Variants in ERCC1 observed in about 807,000 individuals in gnomAD.
ERCC1 encodes ERCC excision repair 1, endonuclease non-catalytic subunit, also known as DNA excision repair protein ERCC-1.
Under a neutral mutation model 37.6 loss-of-function variants are expected in ERCC1, and 36 were observed. The ratio of observed to expected loss-of-function variants is 0.96; its 90% CI spans 0.73 to 1.26. ERCC1 has a LOEUF of 1.26. Among genes scored for constraint, ERCC1 ranks in the 50% most tolerant of loss-of-function variants. The pLI is 0.00. For missense variants in ERCC1, 349 were observed against 376.5 expected (o/e 0.93, Z 0.60); for synonymous variants, 156 against 162.1 (o/e 0.96, Z 0.28).
chr19:45,415,018 T>A, intron 6 of ERCC1, 58 bp from the exon 7 acceptor site: 1 of 1,324,804 alleles, frequency 7.5e-7, no homozygotes, highest in Non-Finnish European at 1.1e-6. Flanking sequence ...TAGATTTGCT[T>A]CATTATGGTC....
intron 1 of ERCC1, among the ~76,000 whole-genome samples, chr19:45,448,260 G>T (rs1967008873): frequency 6.6e-6 from 1 of 152,138 alleles, no homozygotes; most frequent in African/African-American, 2.4e-5. Context: ...TGGGACCCCT[G>T]CCTGCTTGTA....
intron 1 of ERCC1, among the ~76,000 whole-genome samples, chr19:45,429,803 G>A (rs144360569): frequency 1.8e-3 from 266 of 151,652 alleles, no homozygotes; most frequent in African/African-American, 6.3e-3. Context: ...ATTATTATTT[G>A]AGACAGAGTC....
In ERCC1 at chr19:45,420,497, C is replaced by G; in HGVS notation, c.322-70G>C. 1 of 955,930 alleles carries G rather than the reference C, an allele frequency of 1.0e-6. No homozygotes were observed. The highest frequency in any genetic ancestry group is 1.9e-5 in the Admixed American group (1 of 53,022). The allele number at this position is 955,930 out of a possible 1,614,324, so 59.2% of individuals were successfully genotyped here. A position where few individuals can be genotyped will look rare whatever the true frequency, so the allele number is the denominator to read the frequency against. On this transcript the variant is annotated intron_variant, in intron 3 of 9. Coordinates refer to ENST00000300853, the MANE Select transcript of ERCC1 (RefSeq NM_001983.4). The surrounding 1 kb of genome is among the most constrained non-coding windows in gnomAD (Gnocchi z 4.8). The stretch of plus-strand genomic sequence containing the variant: ...TGATAACCACAGGGCCCTCCTCCAC[C>G]TCTTCTTGCACCTCCTCCCTCCTCC...
Position 45,423,860 on chromosome 19 carries a change from G to A in ERCC1, c.-87C>T, listed in dbSNP as rs927933816. 12 of 1,118,654 alleles carry A rather than the reference G, an allele frequency of 1.1e-5. No homozygotes were observed. In the Admixed American group the frequency reaches 1.3e-4, roughly 13 times the overall value. 69.3% of individuals were successfully genotyped at this position (1,118,654 alleles called of 1,614,324 possible). ...GAGCCTCAAGGGAAAGACTGCAGAGGGATCGAGGCGGCCCACTGCCAGCAC... is the reference window on the plus strand; with the variant it reads ...GAGCCTCAAGGGAAAGACTGCAGAGAGATCGAGGCGGCCCACTGCCAGCAC... On this transcript the variant is annotated 5_prime_UTR_variant, in exon 1 of 10. Coordinates refer to ENST00000300853, the MANE Select transcript of ERCC1 (RefSeq NM_001983.4).
At position 45,419,085 on chromosome 19, in the gene ERCC1, A is replaced by G. The variant is rs2123500500; in HGVS notation, c.525+13T>C. The G allele has an allele frequency of 6.5e-7, 1 of 1,544,676 alleles. No homozygotes were observed. The highest frequency in any genetic ancestry group is 8.8e-7 in the Non-Finnish European group (1 of 1,137,788). On this transcript the variant is annotated intron_variant, in intron 5 of 9. Coordinates refer to ENST00000300853, the MANE Select transcript of ERCC1 (RefSeq NM_001983.4). Reference sequence around the variant, plus strand: ...AGCCCGGTGAGGCTGGCTAGGGAGCAGCCCCTGCTTACCACATCCACCTGG... The same window carrying G: ...AGCCCGGTGAGGCTGGCTAGGGAGCGGCCCCTGCTTACCACATCCACCTGG...
chr19:45,416,705 G>A, intron 6 of ERCC1, 116 bp downstream of exon 6: 1 of 765,160 alleles, frequency 1.3e-6, no homozygotes, highest in Non-Finnish European at 2.3e-6. Flanking sequence ...GAGAGAGGCA[G>A]TGCCTGCACC....
chr19:45,414,558 G>A (rs1255123777), intron 7 of ERCC1: 1 of 428,070 alleles, frequency 2.3e-6, no homozygotes, highest in African/African-American at 2.0e-5. Context: ...AGCTAGGCCT[G>A]GGAGAAGTGA....
chr19:45,414,406 G>C (rs2123471180), intron 7 of ERCC1: 1 of 369,846 alleles, frequency 2.7e-6, no homozygotes, highest in East Asian at 6.6e-5. Flanking sequence ...GAACCTGGGA[G>C]GCAGAGGTTG....
chr19:45,426,959 TAAAAAAAA>T (rs1555789830), upstream of ERCC1, among the ~76,000 whole-genome samples: 1 of 92,466 alleles, frequency 1.1e-5, no homozygotes, highest in South Asian at 3.3e-4. Flanking sequence ...AAACTCCATC[TAAAAAAAA>T]AAAAAAAAAA....
intron 5 of ERCC1, among the ~76,000 whole-genome samples, chr19:45,417,194 T>C (rs1974118367): frequency 6.6e-6 from 1 of 152,216 alleles, no homozygotes; most frequent in Non-Finnish European, 1.5e-5. Flanking sequence ...TCTAAGCTCC[T>C]ACTGGGTGCC....
chr19:45,413,527 T>C, intron 9 of ERCC1, 150 bp downstream of exon 9: 1 of 1,578,962 alleles, frequency 6.3e-7, no homozygotes, highest in Non-Finnish European at 8.7e-7. Context: ...CCTCCCGCCT[T>C]GGCCTCCCAA....
At chr19:45,419,303 G>T in intron 4 of ERCC1, 106 bp from the exon 5 acceptor site, 4 of 810,816 alleles carry the variant, frequency 4.9e-6, no homozygotes, top group Non-Finnish European at 6.3e-6. Flanking sequence ...ACGGCATGGG[G>T]GACAGAGGGT....
At chr19:45,435,098 T>C (rs891198186) in intron 1 of ERCC1, among the ~76,000 whole-genome samples, 16 of 151,974 alleles carry the variant, frequency 1.1e-4, no homozygotes, top group South Asian at 2.1e-4. Flanking sequence ...TTTGTATTTT[T>C]AGTAGAGACG....
chr19:45,448,256 C>T lies in ERCC1; in HGVS notation c.-7-24875G>A, dbSNP rs193293151. Reference sequence around the variant, plus strand: ...TAAAATACTCCCCAGTGACTGGGACCCCTGCCTGCTTGTACTAGTTACTGC... The same window carrying T: ...TAAAATACTCCCCAGTGACTGGGACTCCTGCCTGCTTGTACTAGTTACTGC... On this transcript the variant is annotated intron_variant, in intron 1 of 8. Coordinates refer to the ERCC1 transcript ENST00000423698. Among the ~76,000 whole-genome samples the T allele has an allele frequency of 2.6e-5, 4 of 152,246 alleles. No homozygotes were observed. The East Asian group carries it at 7.7e-4, about 29-fold the overall frequency.
chr19:45,431,981 TA>T (rs1419267838), intron 1 of ERCC1, among the ~76,000 whole-genome samples: 2 of 152,196 alleles, frequency 1.3e-5, no homozygotes, highest in Non-Finnish European at 2.9e-5. Flanking sequence ...TTTATTTTTT[TA>T]TTTTTTTGAG....
chr19:45,440,623 G>A (rs1371940701), intron 1 of ERCC1, among the ~76,000 whole-genome samples: 3 of 152,302 alleles, frequency 2.0e-5, no homozygotes, highest in African/African-American at 7.2e-5. Context: ...TCAGGCTGGG[G>A]AAGGATGACC....
chr19:45,429,374 C>T (rs1235125768), intron 1 of ERCC1, among the ~76,000 whole-genome samples: 1 of 152,040 alleles, frequency 6.6e-6, no homozygotes, highest in Non-Finnish European at 1.5e-5. Flanking sequence ...GCAGGAGAAT[C>T]GCTTGAACCT....
upstream of ERCC1, among the ~76,000 whole-genome samples, chr19:45,427,905 G>A (rs1216453579): frequency 2.6e-5 from 4 of 152,184 alleles, no homozygotes; most frequent in Non-Finnish European, 4.4e-5. Context: ...TTTCCTTGAA[G>A]CAGAAGTGCG....
At position 45,409,128 on chromosome 19, in the gene ERCC1, C is replaced by T. The variant is rs763442500; in HGVS notation, c.*547G>A. ...GCTCTGGCAGCTCCCAAAAAGAAGA[C>T]GAAGAAAGAAAAACAGCAAGATGCC... is the stretch of plus-strand genomic sequence containing the variant. On this transcript the variant is annotated 3_prime_UTR_variant, in exon 10 of 10. Transcript: ENST00000300853. The T allele has an allele frequency of 1.2e-5, 20 of 1,612,796 alleles. No individual in the cohort carries two copies. The highest frequency in any genetic ancestry group is 3.3e-5 in the South Asian group (3 of 90,984).
Sources: allele counts gnomAD v4.1 joint callset (sites outside exome capture counted in the v4.1 genomes callset), GRCh38; gene constraint gnomAD v4.1.1; non-coding constraint Gnocchi (gnomAD v3.1); transcripts MANE v1.5; gene names NCBI Gene and HGNC (gene_info 2026-07-23, HGNC 2026-07-21).